NUBPL: variants seen among roughly 807,000 people sequenced by gnomAD.
NUBPL encodes the protein iron-sulfur cluster transfer protein NUBPL.
A neutral mutation model predicts 45.7 loss-of-function variants in NUBPL; 31 were observed. The observed-to-expected ratio is 0.68, with a 90% CI of 0.51 to 0.92. The LOEUF (loss-of-function observed/expected upper bound fraction) is 0.92. Ranked by LOEUF, NUBPL falls within the 40% of genes least tolerant of loss-of-function variation. NUBPL has a pLI of 0.00. For synonymous variants in NUBPL, 144 were observed against 140.9 expected (o/e 1.02, Z -0.15); for missense variants, 401 against 398.7 (o/e 1.01, Z -0.05).
intron 3 of NUBPL, among the ~76,000 whole-genome samples, chr14:31,593,530 A>AAAG (rs1309569594): frequency 6.6e-6 from 1 of 151,348 alleles, no homozygotes; most frequent in African/African-American, 2.4e-5. Context: ...AAAAAAAAAA[A>AAAG]AAAAAAAGAG....
intron 6 of NUBPL, among the ~76,000 whole-genome samples, chr14:31,697,534 A>G (rs748670743): frequency 1.3e-5 from 2 of 152,206 alleles, no homozygotes; most frequent in Non-Finnish European, 2.9e-5. Context: ...TTTTGTGTTA[A>G]TCAATATTTA....
intron 6 of NUBPL, among the ~76,000 whole-genome samples, chr14:31,773,383 T>C (rs2039043585): frequency 6.6e-6 from 1 of 152,296 alleles, no homozygotes; most frequent in East Asian, 1.9e-4. Flanking sequence ...TTGGCAGATA[T>C]TGAATGAACA....
At position 31,859,227 on chromosome 14, in the gene NUBPL, C is replaced by T. The variant is rs753449669; in HGVS notation, c.*47C>T. 8 of 1,452,678 alleles carry T rather than the reference C, an allele frequency of 5.5e-6. No individual in the cohort carries two copies. The African/African-American group carries it at 8.4e-5, about 15-fold the overall frequency. The allele number at this position is 1,452,678 out of a possible 1,614,324, so 90.0% of individuals were successfully genotyped here. On this transcript the variant is annotated 3_prime_UTR_variant, in exon 11 of 11. Transcript: ENST00000281081. ...TTGCCTGGTACTGACATTAAGAGGACCTTTGGAAATCAGCAATGTGGTGAT... is the reference window on the plus strand; with the variant it reads ...TTGCCTGGTACTGACATTAAGAGGATCTTTGGAAATCAGCAATGTGGTGAT...
At chr14:31,682,951 G>C (rs113194835) in intron 6 of NUBPL, among the ~76,000 whole-genome samples, 1,607 of 151,918 alleles carry the variant, frequency 0.011, 25 homozygotes, top group African/African-American at 0.037. Context: ...AGGCAAAGGA[G>C]AGCCAGTATA....
chr14:31,720,522 C>G (rs1324324686), intron 6 of NUBPL, among the ~76,000 whole-genome samples: 1 of 152,162 alleles, frequency 6.6e-6, no homozygotes, highest in African/African-American at 2.4e-5. Flanking sequence ...AGGTAGCCTT[C>G]CCTGAAAACA....
intron 6 of NUBPL, among the ~76,000 whole-genome samples, chr14:31,761,755 T>C (rs2038814669): frequency 6.6e-6 from 1 of 152,234 alleles, no homozygotes; most frequent in Admixed American, 6.5e-5. Flanking sequence ...ATTATCTTAT[T>C]AAGCAACACT....
At chr14:31,798,457 A>G (rs2039511382) in intron 7 of NUBPL, among the ~76,000 whole-genome samples, 1 of 151,834 alleles carries the variant, frequency 6.6e-6, no homozygotes, top group Non-Finnish European at 1.5e-5. Flanking sequence ...ATTACTAATG[A>G]GAATAATTAG....
At chr14:31,694,877 A>G (rs1398267689) in intron 6 of NUBPL, among the ~76,000 whole-genome samples, 1 of 152,252 alleles carries the variant, frequency 6.6e-6, no homozygotes, top group Non-Finnish European at 1.5e-5. Flanking sequence ...GAGGTTACAC[A>G]GTTGTATAAG....
chr14:31,694,991 G>C (rs2037182081), intron 6 of NUBPL, among the ~76,000 whole-genome samples: 1 of 151,566 alleles, frequency 6.6e-6, no homozygotes, highest in Non-Finnish European at 1.5e-5. Flanking sequence ...AAGTTTTGAT[G>C]ATTTAAAAAA....
intron 6 of NUBPL, among the ~76,000 whole-genome samples, chr14:31,774,949 T>C (rs932345873): frequency 4.6e-5 from 7 of 152,188 alleles, no homozygotes; most frequent in Non-Finnish European, 8.8e-5. Context: ...GTCAACTTAT[T>C]AGAATACAAA....
chr14:31,699,862 T>G (rs971610004), intron 6 of NUBPL, among the ~76,000 whole-genome samples: 2 of 152,206 alleles, frequency 1.3e-5, no homozygotes, highest in South Asian at 4.1e-4. Flanking sequence ...TATGTTGTGA[T>G]GTCAATAACT....
At chr14:31,749,259 T>C (rs970244514) in intron 6 of NUBPL, among the ~76,000 whole-genome samples, 1 of 152,220 alleles carries the variant, frequency 6.6e-6, no homozygotes, top group African/African-American at 2.4e-5. Flanking sequence ...TGATAAGGTT[T>C]GATTTCTCTC....
chr14:31,782,569 T>A (rs1034942879), intron 6 of NUBPL, among the ~76,000 whole-genome samples: 1 of 152,150 alleles, frequency 6.6e-6, no homozygotes, highest in African/African-American at 2.4e-5. Context: ...GGTAGGCATA[T>A]CACCTGAGAT....
At chr14:31,815,909 T>C (rs1188329143) in intron 7 of NUBPL, among the ~76,000 whole-genome samples, 4 of 152,184 alleles carry the variant, frequency 2.6e-5, no homozygotes, top group African/African-American at 9.7e-5. Context: ...TGGATAAGCT[T>C]TTTTATGTGC....
At chr14:31,772,010 T>A (rs747550784) in intron 6 of NUBPL, 113 of 402,644 alleles carry the variant, frequency 2.8e-4, no homozygotes, top group Non-Finnish European at 3.6e-4. Context: ...GTAGATACTC[T>A]TAGGGGGCTT....
chr14:31,842,201 C>T (rs2040387996), intron 8 of NUBPL, among the ~76,000 whole-genome samples: 2 of 151,948 alleles, frequency 1.3e-5, no homozygotes, highest in East Asian at 1.9e-4. Flanking sequence ...GCTGGGATTA[C>T]AAGCATAAGC....
At chr14:31,667,914 C>T (rs570855812) in intron 4 of NUBPL, 3 of 159,666 alleles carry the variant, frequency 1.9e-5, no homozygotes, top group East Asian at 3.7e-4. Context: ...CTGCCTGTTC[C>T]TTCCTCTGGA....
chr14:31,800,640 G>A (rs1349273667), intron 7 of NUBPL, among the ~76,000 whole-genome samples: 4 of 152,100 alleles, frequency 2.6e-5, no homozygotes, highest in African/African-American at 4.8e-5. Context: ...ATAAAATGAG[G>A]TATGACCATG....
chr14:31,597,842 G>A (rs1241289388), intron 3 of NUBPL, among the ~76,000 whole-genome samples: 1 of 151,642 alleles, frequency 6.6e-6, no homozygotes, highest in Non-Finnish European at 1.5e-5. Flanking sequence ...TGCAATAGAA[G>A]TTAACAATTA....
Sources: gnomAD v4.1 joint callset for allele counts (sites outside exome capture counted in the v4.1 genomes callset) on GRCh38, gnomAD v4.1.1 for gene constraint, MANE v1.5 for transcripts, NCBI Gene and HGNC (gene_info 2026-07-23, HGNC 2026-07-21) for gene names.